PRKN: variants seen among roughly 807,000 people sequenced by gnomAD.
PRKN encodes the protein parkin RBR E3 ubiquitin protein ligase.
In PRKN, 56 loss-of-function variants were observed where a neutral mutation model predicts 59.5. The ratio of observed to expected loss-of-function variants is 0.94; its 90% CI spans 0.76 to 1.18. The LOEUF (loss-of-function observed/expected upper bound fraction) is 1.18, where lower values mean the gene tolerates loss of function less well. Ranked by LOEUF, PRKN falls within the 50% of genes most tolerant of loss-of-function variation. The pLI is 0.00. For missense variants in PRKN, 657 were observed against 596.4 expected (o/e 1.10, Z -1.06); for synonymous variants, 250 against 222.1 (o/e 1.13, Z -1.12).
At chr6:162,697,984 A>T (rs1389224634) in intron 1 of PRKN, among the ~76,000 whole-genome samples, 3 of 152,162 alleles carry the variant, frequency 2.0e-5, no homozygotes, top group Non-Finnish European at 4.4e-5. Flanking sequence ...TATACACCAC[A>T]CTAAGCTGCC....
At chr6:162,500,059 G>A (rs1793287624) in intron 1 of PRKN, among the ~76,000 whole-genome samples, 1 of 152,012 alleles carries the variant, frequency 6.6e-6, no homozygotes, top group African/African-American at 2.4e-5. Flanking sequence ...ATGGCTCATG[G>A]CACTCATATT....
rs1786387508 is a variant in PRKN, at chr6:161,388,997, C to T, written c.1084-2120G>A. Among the ~76,000 whole-genome samples the T allele has an allele frequency of 6.6e-6, 1 of 152,102 alleles. No homozygotes were observed. Among genetic ancestry groups the T allele is most frequent in the African/African-American group, 2.4e-5 (1 of 41,412 alleles). ...TGCTGAAAGTAGTGTCTGGAAGATTCAAAAATTTACAGAGACTTACAAGTT... is the reference window on the plus strand; with the variant it reads ...TGCTGAAAGTAGTGTCTGGAAGATTTAAAAATTTACAGAGACTTACAAGTT... On this transcript the variant is annotated intron_variant, in intron 9 of 11. Transcript: ENST00000366898. The surrounding 1 kb of genome is among the most constrained non-coding windows in gnomAD (Gnocchi z 4.3).
chr6:161,976,799 T>C (rs1781050069), intron 5 of PRKN, among the ~76,000 whole-genome samples: 1 of 152,220 alleles, frequency 6.6e-6, no homozygotes, highest in Non-Finnish European at 1.5e-5. Context: ...GAAAAAGTAT[T>C]TCATATACAG....
At chr6:161,757,038 T>A (rs183740132) in intron 7 of PRKN, among the ~76,000 whole-genome samples, 20 of 152,110 alleles carry the variant, frequency 1.3e-4, no homozygotes, top group Non-Finnish European at 2.9e-4. Flanking sequence ...TAAATACCAA[T>A]AATATAAAAG....
chr6:161,629,388 G>A (rs1363597544), intron 7 of PRKN, among the ~76,000 whole-genome samples: 1 of 152,018 alleles, frequency 6.6e-6, no homozygotes, highest in Non-Finnish European at 1.5e-5. Context: ...CGCACTACAA[G>A]CCTCTCCCCT....
intron 10 of PRKN, among the ~76,000 whole-genome samples, chr6:161,368,334 T>C (rs976621080): frequency 6.9e-6 from 1 of 144,550 alleles, no homozygotes; most frequent in African/African-American, 2.5e-5. Flanking sequence ...TATATTTGTA[T>C]ATATATTTGT....
At chr6:162,131,711 TA>T (rs911802586) in intron 4 of PRKN, among the ~76,000 whole-genome samples, 5 of 152,230 alleles carry the variant, frequency 3.3e-5, no homozygotes, top group Admixed American at 2.0e-4. Context: ...AAACAAGCCT[TA>T]AATTTTTCCA....
rs139436245 is a variant in PRKN, at chr6:162,424,011, T to C, written c.171+19299A>G. ...TTTGGAAGCAACCAGCGTGTCCTCATAGGGTGAACAGATAAATAAACTGTG... is the reference window on the plus strand; with the variant it reads ...TTTGGAAGCAACCAGCGTGTCCTCACAGGGTGAACAGATAAATAAACTGTG... On this transcript the variant is annotated intron_variant, in intron 2 of 11. Coordinates refer to ENST00000366898, the MANE Select transcript of PRKN (RefSeq NM_004562.3). Among the ~76,000 whole-genome samples the C allele has an allele frequency of 1.7e-3, 265 of 152,192 alleles. 4 individuals are homozygous for C. The South Asian group carries it at 0.02, about 12-fold the overall frequency.
At chr6:161,752,826 AGTG>A (rs1422103726) in intron 7 of PRKN, among the ~76,000 whole-genome samples, 1 of 152,190 alleles carries the variant, frequency 6.6e-6, no homozygotes, top group Non-Finnish European at 1.5e-5. Flanking sequence ...CTTGGACTAG[AGTG>A]GTGGCCCAAA....
rs375399733 is a variant in PRKN at position 161,363,802 on chromosome 6, T to C, written c.1168-3597A>G. Among the ~76,000 whole-genome samples the C allele has an allele frequency of 5.3e-4, 81 of 152,246 alleles. No homozygotes were observed. The highest frequency in any genetic ancestry group is 1.8e-3 in the African/African-American group (74 of 41,544). ...TCCAAGCAAAATTAATTTTTAAGAATGAGCATAAATAAAAACACAGTAATA... is the reference window on the plus strand; with the variant it reads ...TCCAAGCAAAATTAATTTTTAAGAACGAGCATAAATAAAAACACAGTAATA... On this transcript the variant is annotated intron_variant, in intron 10 of 11. Coordinates refer to ENST00000366898, the MANE Select transcript of PRKN (RefSeq NM_004562.3). The surrounding 1 kb of genome is among the most constrained non-coding windows in gnomAD (Gnocchi z 4.1).
At chr6:162,196,677 A>G (rs1784508347) in intron 4 of PRKN, among the ~76,000 whole-genome samples, 1 of 152,206 alleles carries the variant, frequency 6.6e-6, no homozygotes, top group South Asian at 2.1e-4. Flanking sequence ...CTTACCTATG[A>G]GGTCAGGTGA....
intron 2 of PRKN, among the ~76,000 whole-genome samples, chr6:162,325,147 C>A: frequency 1.5e-5 from 1 of 66,500 alleles, no homozygotes. Context: ...AGTGCTAGAG[C>A]CCTCATGCCA....
At chr6:162,140,564 A>G (rs1156740799) in intron 4 of PRKN, among the ~76,000 whole-genome samples, 2 of 152,140 alleles carry the variant, frequency 1.3e-5, no homozygotes, top group East Asian at 3.9e-4. Flanking sequence ...GCTTTCTTCC[A>G]AAGGGGAATG....
chr6:162,101,284 T>C (rs917750431), intron 4 of PRKN, among the ~76,000 whole-genome samples: 1 of 151,352 alleles, frequency 6.6e-6, no homozygotes, highest in Non-Finnish European at 1.5e-5. Flanking sequence ...CTCATTTCCT[T>C]CTTCTGCTTG....
intron 7 of PRKN, chr6:161,715,980 G>C (rs1786958182): frequency 1.7e-6 from 1 of 573,372 alleles, no homozygotes; most frequent in Admixed American, 2.3e-5. Flanking sequence ...AGAAGCGCTG[G>C]GGTGGGGCCC....
At chr6:162,540,948 C>T (rs1184161969) in intron 1 of PRKN, among the ~76,000 whole-genome samples, 1 of 152,104 alleles carries the variant, frequency 6.6e-6, no homozygotes, top group Non-Finnish European at 1.5e-5. Context: ...CTAAACTTTT[C>T]ACCATTTTTG....
At position 162,443,458 on chromosome 6, in the gene PRKN, T is replaced by C. The variant is rs748110477; in HGVS notation, c.23A>G (p.Asn8Ser). 6.2e-7 allele frequency: 1 copy of C among 1,613,702 alleles called. No homozygotes were observed. The highest frequency in any genetic ancestry group is 8.5e-7 in the Non-Finnish European group (1 of 1,179,960). MIVFVRF[N>S]SSHGFPVEVD... ...CTCCACTGGGAAACCATGGCTGGAG[T>C]TGAACCTGACAAACACTGACCAAGG... Residue 8 changes from asparagine to serine, a missense_variant, in exon 2 of 12, where the codon AAC becomes AGC. Coordinates refer to ENST00000366898, the MANE Select transcript of PRKN (RefSeq NM_004562.3).
intron 4 of PRKN, among the ~76,000 whole-genome samples, chr6:162,094,555 G>C (rs1196899429): frequency 6.6e-6 from 1 of 152,016 alleles, no homozygotes; most frequent in Non-Finnish European, 1.5e-5. Flanking sequence ...GGCTATGTTG[G>C]GAGGGCCCTG....
At chr6:161,565,230 C>G (rs893170717) in intron 8 of PRKN, among the ~76,000 whole-genome samples, 1 of 152,142 alleles carries the variant, frequency 6.6e-6, no homozygotes, top group Non-Finnish European at 1.5e-5. Flanking sequence ...AACTTCAATG[C>G]CAGTGCCTTT....
Sources: gnomAD v4.1 joint callset for allele counts (sites outside exome capture counted in the v4.1 genomes callset) on GRCh38, gnomAD v4.1.1 for gene constraint, Gnocchi (gnomAD v3.1) non-coding constraint, MANE v1.5 for transcripts, NCBI Gene and HGNC (gene_info 2026-07-23, HGNC 2026-07-21) for gene names.